REV1: variants seen among roughly 807,000 people sequenced by gnomAD.
The protein encoded by REV1 is translesion synthesis protein REV1.
In REV1, 42 loss-of-function variants were observed where a neutral mutation model predicts 137.4. The ratio of observed to expected loss-of-function variants is 0.31; its 90% confidence interval spans 0.24 to 0.40. The LOEUF (loss-of-function observed/expected upper bound fraction) is 0.40. REV1 is among the 10% of genes least tolerant of loss of function. The pLI is 1.00. For missense variants in REV1, 1,282 were observed against 1,490.1 expected (o/e 0.86, Z 2.30); for synonymous variants, 524 against 519.2 (o/e 1.01, Z -0.12).
intron 21 of REV1, 24 bp from the exon 22 acceptor site, chr2:99,402,370 A>G: frequency 1.7e-6 from 2 of 1,152,334 alleles, no homozygotes; most frequent in Non-Finnish European, 2.6e-6. Context: ...AAAACTTCAA[A>G]TGAGGACCAG....
intron 11 of REV1, among the ~76,000 whole-genome samples, chr2:99,419,249 T>C (rs1303497844): frequency 6.7e-6 from 1 of 149,344 alleles, no homozygotes; most frequent in Non-Finnish European, 1.5e-5. Flanking sequence ...GCTCACTCTG[T>C]TGCCCAAGCT....
chr2:99,419,020 A>G (rs1678275712), intron 11 of REV1, 73 bp from the exon 12 acceptor site: 2 of 1,210,042 alleles, frequency 1.7e-6, no homozygotes, highest in East Asian at 2.3e-5. Context: ...ATCTCTTCAT[A>G]CAGGTTATCC....
At chr2:99,404,336 G>T in intron 18 of REV1, 108 bp downstream of exon 18, 1 of 847,816 alleles carries the variant, frequency 1.2e-6, no homozygotes, top group Non-Finnish European at 1.9e-6. Flanking sequence ...CTCCCCAGTG[G>T]ATGTGGTGTC....
At chr2:99,435,540 A>G (rs1348477421) in intron 7 of REV1, 1 of 177,728 alleles carries the variant, frequency 5.6e-6, no homozygotes, top group African/African-American at 2.4e-5. Flanking sequence ...TTCATTAACA[A>G]GGAATAAATA....
In REV1 at chr2:99,453,765, C is replaced by T. The variant is rs954095773; in HGVS notation, c.182-4261G>A. On this transcript the variant is annotated intron_variant, in intron 3 of 22. Coordinates refer to ENST00000258428, the MANE Select transcript of REV1 (RefSeq NM_016316.4). ...AAAATCAGCTGGGCATGGTAACACG[C>T]GCCTGTAGTCCCAGCTACTCAGGAG... 5.3e-5 allele frequency among the ~76,000 whole-genome samples: 8 copies of T among 150,808 alleles called. No homozygotes were observed. In the East Asian group the frequency reaches 1.4e-3, roughly 26 times the overall value.
intron 1 of REV1, among the ~76,000 whole-genome samples, chr2:99,486,383 G>A (rs959485151): frequency 6.6e-6 from 1 of 152,088 alleles, no homozygotes; most frequent in South Asian, 2.1e-4. Flanking sequence ...CAAAAAATTA[G>A]CCGGGCGTGG....
At chr2:99,404,878 C>T (rs1261089100) in intron 17 of REV1, among the ~76,000 whole-genome samples, 1 of 152,190 alleles carries the variant, frequency 6.6e-6, no homozygotes, top group Non-Finnish European at 1.5e-5. Flanking sequence ...GCCTGAAGTA[C>T]TATGTGTAGT....
chr2:99,439,284 G>A lies in REV1; in HGVS notation c.530C>T (p.Thr177Met), dbSNP rs1371245146. The change falls in exon 6 of 23, where the codon ACG (threonine) becomes ATG (methionine). Residue 177 changes from threonine (T) to methionine (M), a missense_variant. Physicochemically the swap from Thr to Met is moderately conservative, Grantham distance 81. Around this residue, in one of 7 missense-constraint regions of REV1, gnomAD observed 432 missense variants for 438.0 expected, o/e 0.99. Coordinates refer to ENST00000258428, the MANE Select transcript of REV1 (RefSeq NM_016316.4). ...GCCATTGACTTTGACTTCATTTTCC[G>A]TTTCAATCTTCTTAACGATGTGATT... ...RVNHIVKKIE[T>M]ENEVKVNGMN... The A allele has an allele frequency of 7.4e-6, 12 of 1,612,074 alleles. No homozygotes were observed. Among genetic ancestry groups the A allele is most frequent in the East Asian group, 2.2e-5 (1 of 44,836 alleles).
intron 1 of REV1, among the ~76,000 whole-genome samples, chr2:99,481,144 T>C (rs1686560269): frequency 6.6e-6 from 1 of 152,202 alleles, no homozygotes; most frequent in African/African-American, 2.4e-5. Flanking sequence ...CACAAATAGA[T>C]TATCAATGCC....
At position 99,421,459 on chromosome 2, in the gene REV1, A is replaced by G. The variant is rs1678662768; in HGVS notation, c.1831+40T>C. ...AAATTAACTGATATTCAAGAATCTCAAAGCAACTCTTTTGAGTACAAGATA... is the reference window on the plus strand; with the variant it reads ...AAATTAACTGATATTCAAGAATCTCGAAGCAACTCTTTTGAGTACAAGATA... On this transcript the variant is annotated intron_variant, in intron 11 of 22. Coordinates refer to ENST00000258428, the MANE Select transcript of REV1 (RefSeq NM_016316.4). The G allele has an allele frequency of 1.9e-6, 3 of 1,555,984 alleles. No homozygotes were observed. In the African/African-American group the frequency reaches 4.2e-5, roughly 22 times the overall value.
At chr2:99,453,713 T>C (rs1343451400) in intron 3 of REV1, among the ~76,000 whole-genome samples, 1 of 151,562 alleles carries the variant, frequency 6.6e-6, no homozygotes, top group Non-Finnish European at 1.5e-5. Flanking sequence ...GCCAACATGA[T>C]GAAACCCCGT....
intron 1 of REV1, among the ~76,000 whole-genome samples, chr2:99,489,552 C>G (rs1003545496): frequency 2.0e-5 from 3 of 148,242 alleles, no homozygotes; most frequent in Admixed American, 6.7e-5. Flanking sequence ...GGCGCGGGGC[C>G]GGCCGCGCCA....
intron 1 of REV1, among the ~76,000 whole-genome samples, chr2:99,469,316 A>C (rs1685148687): frequency 6.6e-6 from 1 of 152,190 alleles, no homozygotes; most frequent in Non-Finnish European, 1.5e-5. Flanking sequence ...TGAACTAAAA[A>C]CTAAGTACAA....
In REV1 at chr2:99,406,393, GA is replaced by G; in HGVS notation, c.2545del (p.Ser849HisfsTer80). Reference protein sequence around the residue: ...SVQSSHFPSGSYSVRDVFQVQ... With the variant: ...SVQSSHFPSGXYSVRDVFQVQ... ...TTGGAAGACATCACGGACAGAGTAT[GA>G]CCCACTAGGAAAGTGGCTTGACTGA... On this transcript the variant is annotated frameshift_variant, in exon 16 of 23. Transcript: ENST00000258428. LOFTEE classifies it high-confidence loss of function. 1 of 1,613,884 alleles carries G rather than the reference GA, an allele frequency of 6.2e-7. No individual in the cohort carries two copies. Among genetic ancestry groups the G allele is most frequent in the South Asian group, 1.1e-5 (1 of 91,056 alleles).
chr2:99,460,382 T>A (rs1575175150), intron 3 of REV1, among the ~76,000 whole-genome samples: 1 of 152,150 alleles, frequency 6.6e-6, no homozygotes, highest in African/African-American at 2.4e-5. Context: ...GCCTGAAAAC[T>A]TTCTTTCACA....
In REV1 at chr2:99,412,835, T is replaced by G; in HGVS notation, c.2068A>C (p.Met690Leu). Reference protein sequence around the residue: ...QKEFGPKTGQMLYRFCRGLDD... With the variant: ...QKEFGPKTGQLLYRFCRGLDD... ...AAGCCACGGCAGAACCTATAAAGCA[T>G]CTGACCTGTTTTGGGACCAAATTCT... The change falls in exon 13 of 23, where the codon ATG (methionine) becomes CTG (leucine). Residue 690 changes from methionine to leucine, a missense_variant. By Grantham distance (15) the Met-to-Leu change is conservative. This residue lies in a region of REV1 where 372 missense variants were observed against 482.3 expected (regional missense o/e 0.77). Transcript: ENST00000258428. 6.2e-7 allele frequency: 1 copy of G among 1,614,158 alleles called. No individual in the cohort carries two copies. Among genetic ancestry groups the G allele is most frequent in the Non-Finnish European group, 8.5e-7 (1 of 1,179,980 alleles).
chr2:99,405,883 CTT>C (rs1676214945), intron 17 of REV1, 25 bp downstream of exon 17: 1 of 1,426,882 alleles, frequency 7.0e-7, no homozygotes, highest in African/African-American at 1.4e-5. Context: ...ATAAAATGTA[CTT>C]ATATTTAGGA....
chr2:99,475,624 T>C (rs958217101), intron 1 of REV1, among the ~76,000 whole-genome samples: 2 of 152,126 alleles, frequency 1.3e-5, no homozygotes, highest in Admixed American at 6.5e-5. Flanking sequence ...GAGGCAGAGA[T>C]TGCAGTGAGC....
intron 1 of REV1, among the ~76,000 whole-genome samples, chr2:99,481,430 CCTT>C (rs570400453): frequency 1.1e-4 from 17 of 152,254 alleles, no homozygotes; most frequent in Admixed American, 2.6e-4. Context: ...AGAAGGCAAT[CCTT>C]CTATCCATAT....
Sources: gnomAD v4.1 joint callset for allele counts (sites outside exome capture counted in the v4.1 genomes callset) on GRCh38, gnomAD v4.1.1 for gene constraint, gnomAD v4.1.1 regional missense constraint, MANE v1.5 for transcripts, NCBI Gene and HGNC (gene_info 2026-07-23, HGNC 2026-07-21) for gene names.